The following DNAH10 variants were observed in gnomAD, a reference collection of about 807,000 sequenced individuals.
DNAH10 encodes the protein dynein axonemal heavy chain 10.
In DNAH10, 348 loss-of-function variants were observed where a neutral mutation model predicts 506.6. The ratio of observed to expected loss-of-function variants is 0.69; its 90% CI spans 0.63 to 0.75. The LOEUF (loss-of-function observed/expected upper bound fraction) is 0.75. Among genes scored for constraint, DNAH10 ranks in the 30% least tolerant of loss-of-function variants. The pLI, the probability that DNAH10 is intolerant of heterozygous loss-of-function variation, is 0.00. For synonymous variants in DNAH10, 2,059 were observed against 2,198.6 expected (o/e 0.94, Z 1.78); for missense variants, 5,179 against 5,787.1 (o/e 0.89, Z 3.41).
chr12:123,769,815 G>A (rs569332245), intron 2 of DNAH10, among the ~76,000 whole-genome samples: 2 of 151,704 alleles, frequency 1.3e-5, no homozygotes, highest in South Asian at 2.1e-4. Flanking sequence ...GTGCTGTGGT[G>A]TGATCATAGT....
chr12:123,842,887 T>G (rs1168087158), intron 30 of DNAH10, among the ~76,000 whole-genome samples: 3 of 152,246 alleles, frequency 2.0e-5, no homozygotes, highest in Non-Finnish European at 2.9e-5. Flanking sequence ...AGCATTCATT[T>G]AACTAATATT....
intron 21 of DNAH10, among the ~76,000 whole-genome samples, chr12:123,815,279 T>C (rs1273554316): frequency 2.0e-5 from 3 of 152,224 alleles, no homozygotes; most frequent in Non-Finnish European, 4.4e-5. Flanking sequence ...AGGTACTTGG[T>C]ATTTTTAGAT....
At chr12:123,801,940 A>G (rs1473207891) in intron 16 of DNAH10, among the ~76,000 whole-genome samples, 1 of 152,194 alleles carries the variant, frequency 6.6e-6, no homozygotes, top group African/African-American at 2.4e-5. Flanking sequence ...GGCAACCATG[A>G]ATCTTTATTC....
At chr12:123,832,999 C>A in intron 26 of DNAH10, 115 bp from the exon 27 acceptor site, 1 of 734,082 alleles carries the variant, frequency 1.4e-6, no homozygotes, top group Non-Finnish European at 2.3e-6. Flanking sequence ...AGGAAACAGA[C>A]CCAGGACTCC....
rs201698348 is a variant in DNAH10 at position 123,935,352 on chromosome 12, C to T, written c.13641C>T (p.Pro4547=). ...RLKLQNTFRT[P]VYTTSMRRNA... is the part of the protein sequence containing the mutation. ...CCTTGCAGAATACTTTCCGGACCCC[C>T]GTCTACACCACCTCCATGAGAAGGA... Residue 4547 remains proline, a synonymous_variant, in exon 79 of 79, where the codon CCC becomes CCT. Coordinates refer to ENST00000673944, the MANE Select transcript of DNAH10 (RefSeq NM_001372106.1). The T allele has an allele frequency of 9.0e-5, 145 of 1,605,254 alleles. No individual in the cohort carries two copies. The highest frequency in any genetic ancestry group is 3.3e-4 in the Middle Eastern group (2 of 6,060).
In DNAH10 at chr12:123,919,283, C is replaced by T. The variant is rs1954626712; in HGVS notation, c.11506+334C>T. Among the ~76,000 whole-genome samples, 1 of 151,988 alleles carries T rather than the reference C, an allele frequency of 6.6e-6. No individual in the cohort carries two copies. The highest frequency in any genetic ancestry group is 1.5e-5 in the Non-Finnish European group (1 of 68,012). On this transcript the variant is annotated intron_variant, in intron 65 of 78. Coordinates refer to ENST00000673944, the MANE Select transcript of DNAH10 (RefSeq NM_001372106.1). This position sits in a 1 kb window ranked among gnomAD's most constrained non-coding sequence, Gnocchi z 4.9. ...AGAGATGGGGTTTCACTATGTTGCC[C>T]AGGCTGGTCTCGAACTCCTGAGCTC... is the stretch of plus-strand genomic sequence containing the variant.
chr12:123,809,152 C>T (rs1450481069), intron 19 of DNAH10, among the ~76,000 whole-genome samples, 199 bp downstream of exon 19: 1 of 152,166 alleles, frequency 6.6e-6, no homozygotes, highest in South Asian at 2.1e-4. Context: ...CCCAGAAACT[C>T]GTCCTTGTTT....
At position 123,907,713 on chromosome 12, in the gene DNAH10, A is replaced by C. The variant is rs1953850063; in HGVS notation, c.9816-1548A>C. On this transcript the variant is annotated intron_variant, in intron 57 of 78. Transcript: ENST00000673944. The surrounding 1 kb of genome is among the most constrained non-coding windows in gnomAD (Gnocchi z 4.4). ...GGCTCCTTCTGTCTTGAATCTGAAAACATCTGCCCCATTCTTTCCCCACCT... is the reference window on the plus strand; with the variant it reads ...GGCTCCTTCTGTCTTGAATCTGAAACCATCTGCCCCATTCTTTCCCCACCT... Among the ~76,000 whole-genome samples, 1 of 152,078 alleles carries C rather than the reference A, an allele frequency of 6.6e-6. No homozygotes were observed. Among genetic ancestry groups the C allele is most frequent in the African/African-American group, 2.4e-5 (1 of 41,396 alleles).
intron 54 of DNAH10, among the ~76,000 whole-genome samples, chr12:123,896,305 C>T (rs1479575714): frequency 1.3e-5 from 2 of 152,188 alleles, no homozygotes; most frequent in African/African-American, 4.8e-5. Flanking sequence ...TTGCTAACCC[C>T]GGAGTAACTC....
chr12:123,788,842 C>T (rs1383903605), intron 10 of DNAH10, among the ~76,000 whole-genome samples: 1 of 88,144 alleles, frequency 1.1e-5, no homozygotes, highest in Non-Finnish European at 2.1e-5. Flanking sequence ...GGCACGTTGG[C>T]TTGAGCCTGG....
At chr12:123,831,930 G>A (rs895001413) in intron 26 of DNAH10, among the ~76,000 whole-genome samples, 2 of 150,720 alleles carry the variant, frequency 1.3e-5, no homozygotes, top group African/African-American at 2.4e-5. Context: ...GGAAAGGTAC[G>A]GCCAAAATAT....
At position 123,932,100 on chromosome 12, in the gene DNAH10, ATGTTG is replaced by A; in HGVS notation, c.13291_13295del (p.Leu4431GlyfsTer18). 6.2e-7 allele frequency: 1 copy of A among 1,613,590 alleles called. No homozygotes were observed. The highest frequency in any genetic ancestry group is 8.5e-7 in the Non-Finnish European group (1 of 1,179,884). ...CTTCCTGCGGCGGTTCAGCCAGTAC[ATGTTG>A]TGGGTAAGTGGCACGTCACCGCCTC... On this transcript the variant is annotated frameshift_variant, in exon 76 of 79. Transcript: ENST00000673944. LOFTEE classifies it high-confidence loss of function.
chr12:123,762,662 G>C lies in DNAH10; in HGVS notation c.214+112G>C, dbSNP rs79730733. On this transcript the variant is annotated intron_variant, in intron 1 of 78. Transcript: ENST00000673944. The surrounding 1 kb of genome is among the most constrained non-coding windows in gnomAD (Gnocchi z 5.0). The stretch of plus-strand genomic sequence containing the variant: ...GCCCATCGTCCGGCCCCGGCCTCAG[G>C]TGCTGTCCACAAACGCTGCCGCCCG... 45,126 of 1,188,442 alleles carry C rather than the reference G, an allele frequency of 0.038. 2,693 individuals are homozygous for C. Among genetic ancestry groups the C allele is most frequent in the African/African-American group, 0.26 (16,055 of 62,932 alleles). The allele number at this position is 1,188,442 out of a possible 1,614,324, so 73.6% of individuals were successfully genotyped here.
intron 18 of DNAH10, 121 bp from the exon 19 acceptor site, chr12:123,808,676 C>A: frequency 1.0e-6 from 1 of 971,972 alleles, no homozygotes; most frequent in South Asian, 1.5e-5. Context: ...TCTAGGACAG[C>A]CTCACAGTGT....
Position 123,929,311 on chromosome 12 carries a change from A to G in DNAH10, c.12343A>G (p.Met4115Val), listed in dbSNP as rs1335849761. 1 of 1,604,520 alleles carries G rather than the reference A, an allele frequency of 6.2e-7. No homozygotes were observed. The highest frequency in any genetic ancestry group is 8.5e-7 in the Non-Finnish European group (1 of 1,175,704). Residue 4115 changes from methionine (M) to valine (V), a missense_variant, in exon 71 of 79, where the codon ATG becomes GTG. Transcript: ENST00000673944. ...TEPPNGLKLN[M>V]RATYFKISHE... Reference sequence around the variant, plus strand: ...GCCACCCAATGGGCTGAAACTCAACATGAGGGCAACTTACTTCAAGATCTC... The same window carrying G: ...GCCACCCAATGGGCTGAAACTCAACGTGAGGGCAACTTACTTCAAGATCTC...
intron 16 of DNAH10, among the ~76,000 whole-genome samples, chr12:123,803,331 A>T (rs1263828866): frequency 6.6e-6 from 1 of 152,188 alleles, no homozygotes; most frequent in Non-Finnish European, 1.5e-5. Flanking sequence ...GGCTGCGGGC[A>T]GGTGGTGCAG....
chr12:123,767,201 C>A (rs1957080593), intron 1 of DNAH10, among the ~76,000 whole-genome samples: 1 of 152,178 alleles, frequency 6.6e-6, no homozygotes, highest in South Asian at 2.1e-4. Flanking sequence ...AGCCACTGCG[C>A]CTGGCCTCCT....
intron 67 of DNAH10, among the ~76,000 whole-genome samples, chr12:123,924,738 CCATCCATCCATCCATGCACCCACT>C (rs1352679988): frequency 6.6e-6 from 1 of 151,876 alleles, no homozygotes; most frequent in African/African-American, 2.4e-5. Flanking sequence ...ACTCATCCAT[CCATCCATCCATCCATGCACCCACT>C]CATCCATCCA....
At chr12:123,791,280 G>T (rs1958070947) in intron 11 of DNAH10, among the ~76,000 whole-genome samples, 1 of 152,192 alleles carries the variant, frequency 6.6e-6, no homozygotes, top group Non-Finnish European at 1.5e-5. Context: ...GTGCGGGGAG[G>T]CAGAGTCCAT....
Sources: gnomAD v4.1 joint callset for allele counts (sites outside exome capture counted in the v4.1 genomes callset) on GRCh38, gnomAD v4.1.1 for gene constraint, Gnocchi (gnomAD v3.1) non-coding constraint, MANE v1.5 for transcripts, NCBI Gene and HGNC (gene_info 2026-07-23, HGNC 2026-07-21) for gene names.